The following EPB41L1 variants were observed in gnomAD, a reference collection of about 807,000 sequenced individuals.
EPB41L1 encodes erythrocyte membrane protein band 4.1 like 1.
In EPB41L1, 29 loss-of-function variants were observed where a neutral mutation model predicts 97.8. The observed-to-expected ratio is 0.30, with a 90% CI of 0.22 to 0.40. The LOEUF (loss-of-function observed/expected upper bound fraction) is 0.40. Ranked by LOEUF, EPB41L1 falls within the 10% of genes least tolerant of loss-of-function variation. The pLI is 1.00. For synonymous variants in EPB41L1, 383 were observed against 459.2 expected (o/e 0.83, Z 2.12); for missense variants, 812 against 1,162.3 (o/e 0.70, Z 4.38).
At chr20:36,167,916 G>A (rs1600705179) in intron 1 of EPB41L1, among the ~76,000 whole-genome samples, 1 of 152,106 alleles carries the variant, frequency 6.6e-6, no homozygotes, top group East Asian at 1.9e-4. Flanking sequence ...TTGCAATGGT[G>A]ATGGAGAAAA....
intron 1 of EPB41L1, among the ~76,000 whole-genome samples, chr20:36,160,313 G>A (rs1427488481): frequency 1.3e-5 from 2 of 152,168 alleles, no homozygotes; most frequent in Non-Finnish European, 2.9e-5. Context: ...GCCAGGCACG[G>A]TGGCTCATGC....
At chr20:36,160,510 G>A (rs1307625974) in intron 1 of EPB41L1, among the ~76,000 whole-genome samples, 1 of 151,894 alleles carries the variant, frequency 6.6e-6, no homozygotes, top group East Asian at 1.9e-4. Context: ...TCTTGCACCC[G>A]GAAGGCAGAG....
chr20:36,123,492 G>A (rs1217610160), intron 2 of EPB41L1, among the ~76,000 whole-genome samples: 1 of 152,206 alleles, frequency 6.6e-6, no homozygotes, highest in Non-Finnish European at 1.5e-5. Context: ...CTAGGCTAGA[G>A]TGCAGTGGCG....
chr20:36,202,193 C>T (rs1411330494), intron 14 of EPB41L1, among the ~76,000 whole-genome samples: 1 of 152,200 alleles, frequency 6.6e-6, no homozygotes, highest in Non-Finnish European at 1.5e-5. Context: ...ACCTGCACCC[C>T]GCCCCCGCAT....
chr20:36,206,247 G>A lies in EPB41L1; in HGVS notation c.1669-3241G>A. ...AGGCAACCATCAGGAACCGCTGCAT[G>A]TCAGATGGTCAGCCGGAGGGCCAGA... On this transcript the variant is annotated intron_variant, in intron 14 of 21. Coordinates refer to ENST00000338074, the MANE Select transcript of EPB41L1 (RefSeq NM_012156.2). This position sits in a 1 kb window ranked among gnomAD's most constrained non-coding sequence, Gnocchi z 5.5. The A allele has an allele frequency of 7.8e-7, 1 of 1,289,938 alleles. No individual in the cohort carries two copies. The highest frequency in any genetic ancestry group is 1.0e-6 in the Non-Finnish European group (1 of 988,890). The allele number at this position is 1,289,938 out of a possible 1,614,324, so 79.9% of individuals were successfully genotyped here. A position where few individuals can be genotyped will look rare whatever the true frequency, so the allele number is the denominator to read the frequency against.
In EPB41L1 at chr20:36,212,443, C is replaced by T; in HGVS notation, c.2184+67C>T. 2 of 1,383,790 alleles carry T rather than the reference C, an allele frequency of 1.4e-6. No homozygotes were observed. The highest frequency in any genetic ancestry group is 2.1e-6 in the Non-Finnish European group (2 of 975,294). 85.7% of individuals were successfully genotyped at this position (1,383,790 alleles called of 1,614,324 possible). ...GCATTTGGTGGTAGGGTCCCCACTG[C>T]TGTGGCCAAACCCCTTGGCCAGCTC... On this transcript the variant is annotated intron_variant, in intron 16 of 21. Transcript: ENST00000338074. This position sits in a 1 kb window ranked among gnomAD's most constrained non-coding sequence, Gnocchi z 4.8.
intron 18 of EPB41L1, among the ~76,000 whole-genome samples, chr20:36,219,206 G>T (rs369379610): frequency 6.6e-6 from 1 of 152,316 alleles, no homozygotes; most frequent in East Asian, 1.9e-4. Context: ...AGGGTAAAGC[G>T]GCCCCTCACC....
chr20:36,131,265 G>A (rs1321558361), intron 2 of EPB41L1, among the ~76,000 whole-genome samples: 1 of 151,792 alleles, frequency 6.6e-6, no homozygotes, highest in African/African-American at 2.4e-5. Context: ...ATGAGCCACC[G>A]CGCCTGGCTA....
At position 36,229,452 on chromosome 20, in the gene EPB41L1, A is replaced by G; in HGVS notation, c.*112A>G. 1 of 988,596 alleles carries G rather than the reference A, an allele frequency of 1.0e-6. No homozygotes were observed. Among genetic ancestry groups the G allele is most frequent in the Non-Finnish European group, 1.6e-6 (1 of 611,284 alleles). 61.2% of individuals were successfully genotyped at this position (988,596 alleles called of 1,614,324 possible). A position where few individuals can be genotyped will look rare whatever the true frequency, so the allele number is the denominator to read the frequency against. On this transcript the variant is annotated 3_prime_UTR_variant, in exon 22 of 22. Coordinates refer to ENST00000338074, the MANE Select transcript of EPB41L1 (RefSeq NM_012156.2). ...AACACTGACGTCCCAGCTGCGACGTACTGTCACTGATGAGAGACTGGGAAG... is the reference window on the plus strand; with the variant it reads ...AACACTGACGTCCCAGCTGCGACGTGCTGTCACTGATGAGAGACTGGGAAG...
chr20:36,178,509 C>T, intron 4 of EPB41L1, 121 bp from the exon 5 acceptor site: 2 of 1,006,724 alleles, frequency 2.0e-6, no homozygotes, highest in Non-Finnish European at 3.2e-6. Flanking sequence ...AGAGGCTTAG[C>T]CAAGGAAGGG....
In EPB41L1 at chr20:36,164,509, T is replaced by C. The variant is rs540216419; in HGVS notation, c.-14-9255T>C. Among the ~76,000 whole-genome samples, 289 of 152,294 alleles carry C rather than the reference T, an allele frequency of 1.9e-3. 2 individuals carry two copies. The highest frequency in any genetic ancestry group is 2.9e-3 in the Non-Finnish European group (194 of 68,022). ...GCAACAGTCTTTGGTGTCATCGGTG[T>C]GCAGGGTTTAGAAGAGACAACCTTG... On this transcript the variant is annotated intron_variant, in intron 1 of 21. Coordinates refer to ENST00000338074, the MANE Select transcript of EPB41L1 (RefSeq NM_012156.2).
Position 36,175,502 on chromosome 20 carries a change from C to T in EPB41L1, c.178-49C>T, listed in dbSNP as rs145676614. ...ATTGCTTCTTACTTATATGAAAGGC[C>T]ATGGCTTAAAACTCACTGAGCAAAC... On this transcript the variant is annotated intron_variant, in intron 2 of 21. Transcript: ENST00000338074. 2,636 of 1,610,102 alleles carry T rather than the reference C, an allele frequency of 1.6e-3. 47 individuals carry two copies. The African/African-American group carries it at 0.03, about 19-fold the overall frequency.
intron 2 of EPB41L1, among the ~76,000 whole-genome samples, chr20:36,125,016 G>C (rs929175878): frequency 6.6e-6 from 1 of 152,138 alleles, no homozygotes; most frequent in Non-Finnish European, 1.5e-5. Context: ...AAAGAGTTTA[G>C]ACTTCCTGAA....
intron 3 of EPB41L1, among the ~76,000 whole-genome samples, 167 bp downstream of exon 3, chr20:36,175,882 C>G (rs1200200441): frequency 1.3e-5 from 2 of 152,028 alleles, no homozygotes; most frequent in African/African-American, 2.4e-5. Context: ...GATGGTGGCA[C>G]CAAAGCCTGG....
At chr20:36,129,878 C>G (rs1450535310) in intron 2 of EPB41L1, among the ~76,000 whole-genome samples, 1 of 151,856 alleles carries the variant, frequency 6.6e-6, no homozygotes, top group African/African-American at 2.4e-5. Flanking sequence ...GATCCTCCTA[C>G]TTCAGCCTCC....
intron 2 of EPB41L1, among the ~76,000 whole-genome samples, chr20:36,139,961 C>G (rs2059573418): frequency 6.6e-6 from 1 of 152,072 alleles, no homozygotes; most frequent in South Asian, 2.1e-4. Context: ...AACTCCCGAC[C>G]TCAGGTGATC....
chr20:36,142,657 T>C (rs2059683784), intron 2 of EPB41L1, among the ~76,000 whole-genome samples: 1 of 152,206 alleles, frequency 6.6e-6, no homozygotes, highest in African/African-American at 2.4e-5. Context: ...ATAGCCACTC[T>C]AAAAGGACTT....
intron 1 of EPB41L1, among the ~76,000 whole-genome samples, chr20:36,096,810 T>C (rs759073063): frequency 1.3e-5 from 2 of 152,282 alleles, no homozygotes; most frequent in Non-Finnish European, 2.9e-5. Context: ...GCCTGACTTA[T>C]GATTTGTGTT....
In EPB41L1 at chr20:36,209,888, C is replaced by T. The variant is rs2063035780; in HGVS notation, c.2069C>T (p.Pro690Leu). 1.2e-6 allele frequency: 2 copies of T among 1,613,274 alleles called. No individual in the cohort carries two copies. Among genetic ancestry groups the T allele is most frequent in the African/African-American group, 2.7e-5 (2 of 75,030 alleles). ...GGGGCCTGCTCCACCCCGGATATGC[C>T]CCAGTTTGAGGTACAGTGGAGCTTC... ...DRGACSTPDM[P>L]QFEPVKTETM... Residue 690 changes from proline (P) to leucine (L), a missense_variant, in exon 15 of 22, where the codon CCC (proline) becomes CTC (leucine). Around this residue, in one of 3 missense-constraint regions of EPB41L1, gnomAD observed 498 missense variants for 622.7 expected, o/e 0.80. Coordinates refer to ENST00000338074, the MANE Select transcript of EPB41L1 (RefSeq NM_012156.2). This position sits in a 1 kb window ranked among gnomAD's most constrained non-coding sequence, Gnocchi z 4.2.
Sources: gnomAD v4.1 joint callset for allele counts (sites outside exome capture counted in the v4.1 genomes callset) on GRCh38, gnomAD v4.1.1 for gene constraint, gnomAD v4.1.1 regional missense constraint, Gnocchi (gnomAD v3.1) non-coding constraint, MANE v1.5 for transcripts, NCBI Gene and HGNC (gene_info 2026-07-23, HGNC 2026-07-21) for gene names.